Variants in TAFA1 observed in about 807,000 individuals in gnomAD.
TAFA1 encodes the protein chemokine-like protein TAFA-1.
In TAFA1, 4 loss-of-function variants were observed where a neutral mutation model predicts 18.5. The ratio of observed to expected loss-of-function variants is 0.22; its 90% CI spans 0.11 to 0.49. The LOEUF is 0.49. Among genes scored for constraint, TAFA1 ranks in the 20% least tolerant of loss-of-function variants. The pLI is 0.98. For missense variants in TAFA1, 147 were observed against 169.0 expected (o/e 0.87, Z 0.72); for synonymous variants, 56 against 55.2 (o/e 1.01, Z -0.06).
At chr3:68,424,949 G>A (rs1320741082) in intron 3 of TAFA1, among the ~76,000 whole-genome samples, 2 of 151,934 alleles carry the variant, frequency 1.3e-5, no homozygotes, top group Non-Finnish European at 2.9e-5. Context: ...TGTTTTTTAG[G>A]AATGTCTTTC....
In TAFA1 at chr3:68,365,188, A is replaced by C. The variant is rs551537900; in HGVS notation, c.119-52092A>C. Among the ~76,000 whole-genome samples, 4 of 152,300 alleles carry C rather than the reference A, an allele frequency of 2.6e-5. No homozygotes were observed. In the South Asian group the frequency reaches 8.3e-4, roughly 32 times the overall value. On this transcript the variant is annotated intron_variant, in intron 2 of 4. Coordinates refer to ENST00000478136, the MANE Select transcript of TAFA1 (RefSeq NM_213609.4). ...TTACCCAGTAAGTATACTGAGGTCC[A>C]TTTTGCAGATGGGAAAACTGAGCTT...
At chr3:68,507,216 T>C (rs1224538848) in intron 3 of TAFA1, among the ~76,000 whole-genome samples, 1 of 152,014 alleles carries the variant, frequency 6.6e-6, no homozygotes, top group Non-Finnish European at 1.5e-5. Context: ...TAGCTTATTT[T>C]ACCATAGAGC....
intron 2 of TAFA1, among the ~76,000 whole-genome samples, chr3:68,376,491 G>C (rs2069820397): frequency 6.6e-6 from 1 of 152,064 alleles, no homozygotes; most frequent in Admixed American, 6.6e-5. Context: ...CCACTTGTAA[G>C]TGAGAACATT....
At chr3:68,352,820 T>C (rs1316095177) in intron 2 of TAFA1, among the ~76,000 whole-genome samples, 1 of 151,540 alleles carries the variant, frequency 6.6e-6, no homozygotes, top group Admixed American at 6.6e-5. Flanking sequence ...GGGTCAGGAG[T>C]TGGGAAGAAG....
chr3:68,033,520 A>G (rs779264535), intron 2 of TAFA1, among the ~76,000 whole-genome samples: 54 of 152,212 alleles, frequency 3.5e-4, no homozygotes, highest in Non-Finnish European at 2.2e-4. Context: ...TTATCGTTTA[A>G]ACAAGAACAT....
At chr3:68,291,956 T>C (rs981144954) in intron 2 of TAFA1, among the ~76,000 whole-genome samples, 6 of 152,054 alleles carry the variant, frequency 3.9e-5, no homozygotes, top group Non-Finnish European at 8.8e-5. Context: ...ATCTGGGAGG[T>C]GGCTTCCAGA....
At chr3:68,097,130 G>A (rs2065095554) in intron 2 of TAFA1, among the ~76,000 whole-genome samples, 1 of 152,072 alleles carries the variant, frequency 6.6e-6, no homozygotes, top group South Asian at 2.1e-4. Flanking sequence ...TTCCGACCTT[G>A]TGTTCACCAT....
intron 2 of TAFA1, among the ~76,000 whole-genome samples, chr3:68,249,267 C>T (rs1417957248): frequency 2.0e-5 from 3 of 152,172 alleles, no homozygotes; most frequent in Non-Finnish European, 2.9e-5. Flanking sequence ...CCTGACTCTG[C>T]CTTTCCCATG....
At chr3:68,002,295 C>T (rs35295145), upstream of TAFA1, among the ~76,000 whole-genome samples, 2,088 of 152,236 alleles carry the variant, frequency 0.014, 56 homozygotes, top group African/African-American at 0.048. Context: ...ATAGTTAAGG[C>T]GAGTCTTTAT....
At chr3:68,022,846 A>ATATAATATATATATAT (rs1704725375) in intron 2 of TAFA1, among the ~76,000 whole-genome samples, 1 of 141,560 alleles carries the variant, frequency 7.1e-6, no homozygotes, top group Non-Finnish European at 1.5e-5. Flanking sequence ...TATATATTAT[A>ATATAATATATATATAT]TATATATATA....
In TAFA1 at chr3:68,469,501, C is replaced by T. The variant is rs1393432353; in HGVS notation, c.259+52081C>T. On this transcript the variant is annotated intron_variant, in intron 3 of 4. Coordinates refer to ENST00000478136, the MANE Select transcript of TAFA1 (RefSeq NM_213609.4). ...CATCCTGGCTAACAAGGTGAAACCC[C>T]GTCTCTACTAAAAATACAAAAATTA... Among the ~76,000 whole-genome samples the T allele has an allele frequency of 5.9e-5, 9 of 152,124 alleles. No individual in the cohort carries two copies. The East Asian group carries it at 9.7e-4, about 16-fold the overall frequency.
At chr3:68,235,586 C>A (rs2066919158) in intron 2 of TAFA1, among the ~76,000 whole-genome samples, 1 of 152,038 alleles carries the variant, frequency 6.6e-6, no homozygotes, top group African/African-American at 2.4e-5. Context: ...CCAGTTTTCC[C>A]ATAGAGTAGC....
intron 2 of TAFA1, among the ~76,000 whole-genome samples, chr3:68,274,708 C>T (rs1223593940): frequency 1.3e-5 from 2 of 152,038 alleles, no homozygotes; most frequent in Non-Finnish European, 2.9e-5. Flanking sequence ...TCCCCCGCCC[C>T]GCCCCCGCCC....
intron 2 of TAFA1, among the ~76,000 whole-genome samples, chr3:68,047,120 AGCTACAGAT>A (rs1228039508): frequency 3.9e-5 from 6 of 152,188 alleles, no homozygotes; most frequent in Non-Finnish European, 8.8e-5. Flanking sequence ...AGGGTAGGCA[AGCTACAGAT>A]GCTACACATA....
intron 3 of TAFA1, among the ~76,000 whole-genome samples, chr3:68,527,836 A>T (rs540546367): frequency 7.2e-6 from 1 of 139,224 alleles, no homozygotes; most frequent in Non-Finnish European, 1.5e-5. Flanking sequence ...GAAGGAAATT[A>T]TACCACATTT....
chr3:68,476,080 A>G (rs375892587), intron 3 of TAFA1, among the ~76,000 whole-genome samples: 3 of 152,260 alleles, frequency 2.0e-5, no homozygotes, highest in East Asian at 1.9e-4. Flanking sequence ...AGTTGAGTAG[A>G]TTGCAAAAAT....
chr3:68,231,521 C>A (rs900387741), intron 2 of TAFA1, among the ~76,000 whole-genome samples: 1 of 150,356 alleles, frequency 6.7e-6, no homozygotes, highest in Non-Finnish European at 1.5e-5. Flanking sequence ...CCACCGCGCC[C>A]GGCTAATTTT....
At chr3:68,525,378 C>A (rs1038804404) in intron 3 of TAFA1, among the ~76,000 whole-genome samples, 1 of 152,148 alleles carries the variant, frequency 6.6e-6, no homozygotes, top group Non-Finnish European at 1.5e-5. Flanking sequence ...TAGGTGAAGG[C>A]TCTGCTATGC....
intron 2 of TAFA1, among the ~76,000 whole-genome samples, chr3:68,076,273 TC>T: frequency 7.4e-6 from 1 of 135,378 alleles, no homozygotes. Context: ...TTTCCATTGT[TC>T]CTACTTCTTT....
Sources: allele counts gnomAD v4.1 joint callset (sites outside exome capture counted in the v4.1 genomes callset), GRCh38; gene constraint gnomAD v4.1.1; transcripts MANE v1.5; gene names NCBI Gene and HGNC (gene_info 2026-07-23, HGNC 2026-07-21).